Variants in ADAMTSL1 observed in about 807,000 individuals in gnomAD.
ADAMTSL1 encodes the protein ADAMTS like 1, also known as ADAMTS-like protein 1.
ADAMTSL1 carries 126 observed loss-of-function variants against 201.8 expected under a neutral mutation model. The ratio of observed to expected loss-of-function variants is 0.62; its 90% confidence interval spans 0.54 to 0.72. ADAMTSL1 has a LOEUF of 0.72. ADAMTSL1 is among the 30% of genes least tolerant of loss of function. The pLI, the probability that ADAMTSL1 is intolerant of heterozygous loss-of-function variation, is 0.00. For synonymous variants in ADAMTSL1, 1,121 were observed against 903.4 expected (o/e 1.24, Z -4.32); for missense variants, 2,679 against 2,277.8 (o/e 1.18, Z -3.59).
At chr9:18,506,594 C>CA (rs538479811) in intron 2 of ADAMTSL1, among the ~76,000 whole-genome samples, 1 of 151,592 alleles carries the variant, frequency 6.6e-6, no homozygotes, top group Non-Finnish European at 1.5e-5. Context: ...ATGCGAAATT[C>CA]AAAAATAAAC....
chr9:18,533,734 T>C (rs1264953907), intron 3 of ADAMTSL1, among the ~76,000 whole-genome samples: 1 of 152,238 alleles, frequency 6.6e-6, no homozygotes, highest in Non-Finnish European at 1.5e-5. Context: ...AAATAACATA[T>C]GGTCCCTGTT....
At chr9:18,533,374 A>C in intron 3 of ADAMTSL1, 82 bp downstream of exon 3, 3 of 1,168,252 alleles carry the variant, frequency 2.6e-6, no homozygotes, top group South Asian at 3.1e-5. Context: ...CCTGAGCAGG[A>C]AATCAACCAA....
intron 23 of ADAMTSL1, among the ~76,000 whole-genome samples, chr9:18,874,718 G>C (rs541385412): frequency 6.6e-6 from 1 of 151,952 alleles, no homozygotes; most frequent in African/African-American, 2.4e-5. Context: ...GTTCACCAGC[G>C]ATACTGGTCT....
intron 2 of ADAMTSL1, among the ~76,000 whole-genome samples, chr9:18,277,213 C>T (rs1269012055): frequency 6.6e-6 from 1 of 152,082 alleles, no homozygotes; most frequent in African/African-American, 2.4e-5. Flanking sequence ...AATATGTATT[C>T]TGCTGCTGTT....
At chr9:18,529,092 G>A (rs561197829) in intron 2 of ADAMTSL1, among the ~76,000 whole-genome samples, 69 of 152,052 alleles carry the variant, frequency 4.5e-4, no homozygotes, top group Non-Finnish European at 7.9e-4. Flanking sequence ...TCCTTGTGGT[G>A]GAATAGTCAC....
At position 18,753,507 on chromosome 9, in the gene ADAMTSL1, C is replaced by A; in HGVS notation, c.2216C>A (p.Pro739Gln). The change falls in exon 16 of 29, where the codon CCG (proline) becomes CAG (glutamine). Residue 739 changes from proline to glutamine, a missense_variant and splice_region_variant. By Grantham distance (76) the Pro-to-Gln change is moderately conservative (BLOSUM62 -1). Transcript: ENST00000380548. The part of the protein sequence containing the change: ...PPAWYPAQWQ[P>Q]CSRTCGGGVQ... ...GCCTGGTACCCTGCACAGTGGCAGC[C>A]GGTGAGTTCTGAAGTTACTCAATAT... is the stretch of plus-strand genomic sequence containing the variant. 1 of 1,609,518 alleles carries A rather than the reference C, an allele frequency of 6.2e-7. No homozygotes were observed. Among genetic ancestry groups the A allele is most frequent in the South Asian group, 1.1e-5 (1 of 90,238 alleles).
rs201099097 is a variant in ADAMTSL1 at position 18,586,985 on chromosome 9, T to TA, written c.474+12728dup. ...ACTTAAATGTAAAACTAAATACTAT[T>TA]AAAAAAAAACTGTGGAAGACAACGT... On this transcript the variant is annotated intron_variant, in intron 4 of 28. Transcript: ENST00000380548. Among the ~76,000 whole-genome samples the TA allele has an allele frequency of 1.2e-3, 176 of 151,162 alleles. 3 individuals are homozygous for TA. In the East Asian group the frequency reaches 0.013, roughly 11 times the overall value.
intron 9 of ADAMTSL1, 77 bp downstream of exon 9, chr9:18,662,150 G>GT: frequency 6.7e-7 from 1 of 1,502,910 alleles, no homozygotes. Flanking sequence ...AAAATGAAAC[G>GT]TTTTAATTAA....
chr9:18,709,808 C>A (rs1013689348), intron 14 of ADAMTSL1, among the ~76,000 whole-genome samples: 1 of 152,142 alleles, frequency 6.6e-6, no homozygotes. Context: ...ACAGTAAAAT[C>A]CACGTTAAAA....
chr9:18,063,432 A>G (rs1050992924), intron 1 of ADAMTSL1, among the ~76,000 whole-genome samples: 1 of 152,266 alleles, frequency 6.6e-6, no homozygotes, highest in Non-Finnish European at 1.5e-5. Flanking sequence ...CCAAGAGGAA[A>G]ATACTGTATT....
chr9:18,688,689 A>AAAAAATATATATATATATATAT (rs1554730404), intron 13 of ADAMTSL1, among the ~76,000 whole-genome samples: 2 of 8,652 alleles, frequency 2.3e-4, no homozygotes, highest in Non-Finnish European at 4.4e-4. Flanking sequence ...AAAAAAAAAA[A>AAAAAATATATATATATATATAT]ATATATATAT....
rs146917578 is a variant in ADAMTSL1 at position 18,086,104 on chromosome 9, A to G, written c.88-77758A>G. On this transcript the variant is annotated intron_variant, in intron 1 of 29. Transcript: ENST00000680146. ...ACCAAAGGAAGGAAGAATGTGAGAG[A>G]TAATTTTTTGAGGGAAATCAGAAAT... Among the ~76,000 whole-genome samples, 230 of 152,244 alleles carry G rather than the reference A, an allele frequency of 1.5e-3. 1 individual carries two copies. Among genetic ancestry groups the G allele is most frequent in the African/African-American group, 5.2e-3 (217 of 41,548 alleles).
At chr9:18,193,880 T>C (rs1351844923) in intron 2 of ADAMTSL1, among the ~76,000 whole-genome samples, 2 of 152,168 alleles carry the variant, frequency 1.3e-5, no homozygotes, top group Non-Finnish European at 2.9e-5. Context: ...TTGCACACAC[T>C]CATGTTTTAT....
intron 1 of ADAMTSL1, among the ~76,000 whole-genome samples, chr9:18,004,092 C>A (rs895863937): frequency 6.6e-6 from 1 of 151,794 alleles, no homozygotes; most frequent in African/African-American, 2.4e-5. Flanking sequence ...TCCATATGGA[C>A]CACTTAATTT....
chr9:18,833,863 G>C (rs1825151932), intron 23 of ADAMTSL1, among the ~76,000 whole-genome samples: 1 of 152,110 alleles, frequency 6.6e-6, no homozygotes, highest in Non-Finnish European at 1.5e-5. Flanking sequence ...GTTAATTTTT[G>C]TATATGGAGT....
At chr9:18,183,554 A>G (rs1437421101) in intron 2 of ADAMTSL1, among the ~76,000 whole-genome samples, 2 of 152,186 alleles carry the variant, frequency 1.3e-5, no homozygotes, top group Non-Finnish European at 2.9e-5. Context: ...AAAATGGGCC[A>G]AAGACCTTAA....
intron 23 of ADAMTSL1, among the ~76,000 whole-genome samples, chr9:18,846,131 G>C (rs1445661105): frequency 6.6e-6 from 1 of 152,212 alleles, no homozygotes; most frequent in Non-Finnish European, 1.5e-5. Flanking sequence ...GAAGTATTGA[G>C]CATCTATTTA....
At chr9:18,736,025 GCA>G (rs1818484511) in intron 15 of ADAMTSL1, among the ~76,000 whole-genome samples, 3 of 152,172 alleles carry the variant, frequency 2.0e-5, no homozygotes, top group South Asian at 4.2e-4. Flanking sequence ...AACAGAGTTT[GCA>G]CAGTTTTAAA....
At chr9:18,102,771 A>G (rs573483081) in intron 1 of ADAMTSL1, among the ~76,000 whole-genome samples, 1 of 152,340 alleles carries the variant, frequency 6.6e-6, no homozygotes, top group South Asian at 2.1e-4. Flanking sequence ...GCTTATAGCG[A>G]TGATCAAGGG....
Sources: gnomAD v4.1 joint callset for allele counts (sites outside exome capture counted in the v4.1 genomes callset) on GRCh38, gnomAD v4.1.1 for gene constraint, MANE v1.5 for transcripts, NCBI Gene and HGNC (gene_info 2026-07-23, HGNC 2026-07-21) for gene names.